Variants in NHS observed in about 807,000 individuals in gnomAD.
NHS encodes NHS actin remodeling regulator.
A neutral mutation model predicts 72.5 loss-of-function variants in NHS; 5 were observed. That is an observed-to-expected ratio of 0.07 (90% CI 0.04 to 0.14). The LOEUF (loss-of-function observed/expected upper bound fraction) is 0.14, where lower values mean the gene tolerates loss of function less well. Ranked by LOEUF, NHS falls within the 10% of genes least tolerant of loss-of-function variation. The probability of loss-of-function intolerance (pLI) is 1.00; values close to 1 mark genes in which losing one functional copy is unlikely to be tolerated. For missense variants in NHS, 1,072 were observed against 1,355.7 expected (o/e 0.79, Z 3.29); for synonymous variants, 464 against 547.7 (o/e 0.85, Z 2.13).
At chrX:17,433,196 CTTTTTTT>C (rs768285319) in intron 1 of NHS, among the ~76,000 whole-genome samples, 9 of 64,602 alleles carry the variant, frequency 1.4e-4, no homozygotes, top group South Asian at 1.1e-3. Context: ...CGCCCGGCTA[CTTTTTTT>C]TTTTTTTTTT....
chrX:17,526,462 C>T (rs751660710), intron 1 of NHS, among the ~76,000 whole-genome samples: 1 of 112,169 alleles, frequency 8.9e-6, no homozygotes, highest in Admixed American at 9.4e-5. Context: ...CAAGGCCTTT[C>T]GAGATCCAGG....
chrX:17,617,464 A>G (rs934888488), intron 1 of NHS, among the ~76,000 whole-genome samples: 1 of 112,472 alleles, frequency 8.9e-6, no homozygotes. Flanking sequence ...TCCAAATCCA[A>G]AAGAATTGAA....
chrX:17,659,379 A>C (rs774265735), intron 1 of NHS, among the ~76,000 whole-genome samples: 10 of 112,278 alleles, frequency 8.9e-5, no homozygotes, highest in Non-Finnish European at 1.7e-4. Context: ...TCCTGTCTCA[A>C]AGGGATTTGG....
intron 1 of NHS, among the ~76,000 whole-genome samples, chrX:17,492,949 CT>C (rs898174866): frequency 3.6e-5 from 4 of 112,183 alleles, no homozygotes; most frequent in Non-Finnish European, 5.6e-5. Flanking sequence ...TTAAGTTCCC[CT>C]GATATAGGAT....
At chrX:17,509,465 G>C (rs2065075877) in intron 1 of NHS, among the ~76,000 whole-genome samples, 1 of 111,917 alleles carries the variant, frequency 8.9e-6, no homozygotes, top group South Asian at 3.7e-4. Context: ...TACCTCAGGT[G>C]ATCCACCTGC....
intron 1 of NHS, among the ~76,000 whole-genome samples, chrX:17,417,670 C>T (rs1027876176): frequency 8.9e-6 from 1 of 112,268 alleles, no homozygotes; most frequent in Non-Finnish European, 1.9e-5. Context: ...AGTGATTAAT[C>T]ATTGGCTTAT....
At chrX:17,712,605 C>A (rs1458120719) in intron 3 of NHS, among the ~76,000 whole-genome samples, 1 of 108,677 alleles carries the variant, frequency 9.2e-6, no homozygotes, top group African/African-American at 3.4e-5. Context: ...TCAGTAGGCA[C>A]CTGTTCCCAA....
At chrX:17,465,235 G>C (rs966321254) in intron 1 of NHS, among the ~76,000 whole-genome samples, 1 of 111,572 alleles carries the variant, frequency 9.0e-6, no homozygotes, top group Non-Finnish European at 1.9e-5. Context: ...GATGGTTTTG[G>C]GAAGAGTGCA....
At chrX:17,683,129 G>A (rs1470502005) in intron 1 of NHS, among the ~76,000 whole-genome samples, 1 of 112,263 alleles carries the variant, frequency 8.9e-6, no homozygotes, top group African/African-American at 3.2e-5. Flanking sequence ...ACTAAGATCA[G>A]TCTATAAAGA....
At chrX:17,376,960 G>T in intron 1 of NHS, among the ~76,000 whole-genome samples, 1 of 113,046 alleles carries the variant, frequency 8.8e-6, no homozygotes, top group Non-Finnish European at 1.9e-5. Context: ...CTTGTGGCCC[G>T]GAGGGGCCGC....
chrX:17,499,054 T>C (rs2065026144), intron 1 of NHS, among the ~76,000 whole-genome samples: 2 of 111,870 alleles, frequency 1.8e-5, no homozygotes, highest in Admixed American at 1.9e-4. Flanking sequence ...TGATGAAAAA[T>C]TGGGCAAGTC....
intron 1 of NHS, among the ~76,000 whole-genome samples, chrX:17,423,712 C>T (rs1475159921): frequency 8.9e-6 from 1 of 112,101 alleles, no homozygotes; most frequent in Non-Finnish European, 1.9e-5. Flanking sequence ...ATAATCCTTC[C>T]TCACCTTGCA....
At chrX:17,542,412 G>A (rs370920968) in intron 1 of NHS, among the ~76,000 whole-genome samples, 2 of 113,513 alleles carry the variant, frequency 1.8e-5, no homozygotes, top group South Asian at 3.5e-4. Context: ...ATGCCAGCAG[G>A]AACAAGGACA....
At chrX:17,401,193 A>G (rs2064501719) in intron 1 of NHS, among the ~76,000 whole-genome samples, 1 of 112,257 alleles carries the variant, frequency 8.9e-6, no homozygotes. Context: ...TCCACATGCA[A>G]AAGAATGAGG....
At chrX:17,697,784 A>G (rs771323526) in intron 3 of NHS, among the ~76,000 whole-genome samples, 2 of 111,735 alleles carry the variant, frequency 1.8e-5, no homozygotes, top group South Asian at 3.7e-4. Context: ...AAGAAAATAG[A>G]ATAAGCTAAT....
intron 1 of NHS, among the ~76,000 whole-genome samples, chrX:17,600,895 A>G (rs2065646589): frequency 8.9e-6 from 1 of 112,101 alleles, no homozygotes; most frequent in Admixed American, 9.5e-5. Flanking sequence ...ATTATCTGGC[A>G]TGATGGCCCT....
chrX:17,404,401 C>A (rs937582130), intron 1 of NHS, among the ~76,000 whole-genome samples: 2 of 111,545 alleles, frequency 1.8e-5, no homozygotes, highest in Non-Finnish European at 3.8e-5. Flanking sequence ...GTCTAAGAGT[C>A]TGAAGCACTA....
intron 1 of NHS, among the ~76,000 whole-genome samples, chrX:17,497,498 A>G (rs1007446883): frequency 9.0e-6 from 1 of 111,391 alleles, no homozygotes; most frequent in Non-Finnish European, 1.9e-5. Context: ...CGTTTCTCCC[A>G]CGCCTGCTTT....
At chrX:17,680,024 C>T (rs767123909) in intron 1 of NHS, among the ~76,000 whole-genome samples, 1 of 112,297 alleles carries the variant, frequency 8.9e-6, no homozygotes, top group East Asian at 2.8e-4. Flanking sequence ...CAGCTCTTGG[C>T]GGGTGTGTCC....
Sources: gnomAD v4.1 joint callset for allele counts (sites outside exome capture counted in the v4.1 genomes callset) on GRCh38, gnomAD v4.1.1 for gene constraint, MANE v1.5 for transcripts, NCBI Gene and HGNC (gene_info 2026-07-23, HGNC 2026-07-21) for gene names.